Variants in NFATC3 observed in about 807,000 individuals in gnomAD.
NFATC3 encodes the protein nuclear factor of activated T-cells, cytoplasmic 3.
NFATC3 carries 46 observed loss-of-function variants against 98.6 expected under a neutral mutation model. That is an observed-to-expected ratio of 0.47 (90% CI 0.37 to 0.60). The LOEUF (loss-of-function observed/expected upper bound fraction) is 0.60. Among genes scored for constraint, NFATC3 ranks in the 20% least tolerant of loss-of-function variants. The pLI is 0.00. For synonymous variants in NFATC3, 512 were observed against 472.2 expected, an observed-to-expected ratio of 1.08 and a Z score of -1.09; for missense variants, 1,256 against 1,295.5, an observed-to-expected ratio of 0.97 and a Z score of 0.47.
intron 1 of NFATC3, among the ~76,000 whole-genome samples, chr16:68,097,018 A>AT (rs2151451731): frequency 6.6e-6 from 1 of 152,254 alleles, no homozygotes; most frequent in African/African-American, 2.4e-5. Flanking sequence ...TTGAGAAATG[A>AT]TAAGGGTAGA....
intron 3 of NFATC3, among the ~76,000 whole-genome samples, chr16:68,132,664 A>T (rs2037177349): frequency 6.6e-6 from 1 of 152,246 alleles, no homozygotes; most frequent in Non-Finnish European, 1.5e-5. Flanking sequence ...ACATATATGC[A>T]CAATACAATA....
At chr16:68,162,036 A>G (rs560406218) in intron 4 of NFATC3, among the ~76,000 whole-genome samples, 3 of 152,186 alleles carry the variant, frequency 2.0e-5, no homozygotes, top group Non-Finnish European at 4.4e-5. Context: ...TAGACCAGAA[A>G]GGACCAGGCT....
At chr16:68,112,787 A>G (rs1423943495) in intron 1 of NFATC3, among the ~76,000 whole-genome samples, 1 of 135,100 alleles carries the variant, frequency 7.4e-6, no homozygotes, top group African/African-American at 2.8e-5. Flanking sequence ...GCCTCCCGAC[A>G]TTTTTTTTTT....
chr16:68,126,050 G>A (rs1390913209), intron 2 of NFATC3, among the ~76,000 whole-genome samples: 2 of 152,046 alleles, frequency 1.3e-5, no homozygotes, highest in Non-Finnish European at 2.9e-5. Context: ...GTGCCACCAT[G>A]CCCAGCTAAT....
intron 3 of NFATC3, among the ~76,000 whole-genome samples, chr16:68,143,809 A>C (rs543504186): frequency 2.6e-5 from 4 of 152,236 alleles, no homozygotes; most frequent in Middle Eastern, 3.4e-3. Flanking sequence ...CTGCTATCAC[A>C]CCACTGCACT....
At chr16:68,209,474 G>T in intron 9 of NFATC3, 1 of 195,952 alleles carries the variant, frequency 5.1e-6, no homozygotes, top group South Asian at 8.0e-5. Flanking sequence ...GGCCACGGAA[G>T]GTGTTGCTGC....
intron 3 of NFATC3, among the ~76,000 whole-genome samples, chr16:68,142,297 G>A (rs1286625798): frequency 1.3e-5 from 2 of 152,024 alleles, no homozygotes; most frequent in African/African-American, 4.8e-5. Flanking sequence ...TTACCTCCTT[G>A]TGTAAGTACA....
intron 8 of NFATC3, among the ~76,000 whole-genome samples, chr16:68,189,861 C>T (rs909201590): frequency 3.3e-5 from 5 of 151,886 alleles, no homozygotes; most frequent in South Asian, 4.2e-4. Context: ...TGTGGAAGTC[C>T]GAGACCAGCC....
At chr16:68,226,286 G>A (rs2042035492) in intron 9 of NFATC3, 64 bp from the exon 10 acceptor site, 10 of 1,521,412 alleles carry the variant, frequency 6.6e-6, no homozygotes, top group East Asian at 5.3e-5. Context: ...AGAGCTCAGC[G>A]TTGGGCATCA....
At chr16:68,200,656 T>A (rs2040873514) in intron 9 of NFATC3, 1 of 152,138 alleles carries the variant, frequency 6.6e-6, no homozygotes, top group Non-Finnish European at 1.5e-5. Flanking sequence ...AATATAAACT[T>A]ACTCAAACAA....
chr16:68,180,512 A>G (rs967992666), intron 6 of NFATC3, among the ~76,000 whole-genome samples: 7 of 151,868 alleles, frequency 4.6e-5, no homozygotes, highest in African/African-American at 1.2e-4. Context: ...TATTTTTTTT[A>G]AATTATACTT....
At chr16:68,108,843 A>C (rs746609975) in intron 1 of NFATC3, among the ~76,000 whole-genome samples, 16 of 152,078 alleles carry the variant, frequency 1.1e-4, no homozygotes, top group Non-Finnish European at 2.1e-4. Flanking sequence ...AGCAATTGTG[A>C]ATGGGAGTTC....
At chr16:68,108,438 G>A (rs1221606726) in intron 1 of NFATC3, among the ~76,000 whole-genome samples, 1 of 152,076 alleles carries the variant, frequency 6.6e-6, no homozygotes, top group Admixed American at 6.6e-5. Context: ...TGGTCTTTGT[G>A]TCTGTTTTTG....
intron 2 of NFATC3, among the ~76,000 whole-genome samples, chr16:68,124,504 C>G (rs1250862275): frequency 6.7e-6 from 1 of 150,238 alleles, no homozygotes; most frequent in African/African-American, 2.5e-5. Flanking sequence ...GCGATCTCGG[C>G]TTACTGCAAG....
chr16:68,089,316 T>C, intron 1 of NFATC3: 3 of 967,454 alleles, frequency 3.1e-6, no homozygotes, highest in South Asian at 9.6e-5. Context: ...CGCTTAATAA[T>C]GTTGTATGTT....
At chr16:68,108,921 A>C (rs2035804733) in intron 1 of NFATC3, among the ~76,000 whole-genome samples, 1 of 152,078 alleles carries the variant, frequency 6.6e-6, no homozygotes, top group African/African-American at 2.4e-5. Context: ...TTGCACATTG[A>C]TTTTGTATCC....
Position 68,191,044 on chromosome 16 carries a change from T to A in NFATC3, c.2375T>A (p.Val792Asp). 6.2e-7 allele frequency: 1 copy of A among 1,614,216 alleles called. No homozygotes were observed. Among genetic ancestry groups the A allele is most frequent in the East Asian group, 2.2e-5 (1 of 44,886 alleles). ...PSPIVHQPFQ[V>D]TPTPPVGSSY... ...CCAATTGTACACCAGCCTTTTCAAG[T>A]CACACCAACACCTCCTGTGGGGTCT... is the stretch of plus-strand genomic sequence containing the variant. Residue 792 changes from valine to aspartate, a missense_variant, in exon 9 of 10, where the codon GTC becomes GAC. Physicochemically the swap from Val to Asp is radical, Grantham distance 152. Coordinates refer to ENST00000346183, the MANE Select transcript of NFATC3 (RefSeq NM_173165.3).
chr16:68,176,208 C>T (rs909643077), intron 6 of NFATC3, among the ~76,000 whole-genome samples: 3 of 152,228 alleles, frequency 2.0e-5, no homozygotes, highest in Non-Finnish European at 4.4e-5. Context: ...TAACTCCTGA[C>T]CTCACGATCC....
intron 9 of NFATC3, among the ~76,000 whole-genome samples, chr16:68,224,070 C>T (rs965972845): frequency 1.3e-5 from 2 of 148,964 alleles, no homozygotes; most frequent in African/African-American, 5.0e-5. Context: ...CATGGTGAAA[C>T]CCCGTCTCTA....
Sources: gnomAD v4.1 joint callset for allele counts (sites outside exome capture counted in the v4.1 genomes callset) on GRCh38, gnomAD v4.1.1 for gene constraint, MANE v1.5 for transcripts, NCBI Gene and HGNC (gene_info 2026-07-23, HGNC 2026-07-21) for gene names.